SAMD7: variants seen among roughly 807,000 people sequenced by gnomAD.
SAMD7 encodes sterile alpha motif domain-containing protein 7.
SAMD7 carries 34 observed loss-of-function variants against 36.7 expected under a neutral mutation model. That is an observed-to-expected ratio of 0.93 (90% CI 0.71 to 1.23). The LOEUF (loss-of-function observed/expected upper bound fraction) is 1.23. SAMD7 is among the 50% of genes most tolerant of loss of function. SAMD7 has a pLI of 0.00. For synonymous variants in SAMD7, 188 were observed against 189.7 expected (o/e 0.99, Z 0.07); for missense variants, 570 against 546.6 (o/e 1.04, Z -0.43).
intron 7 of SAMD7, among the ~76,000 whole-genome samples, chr3:169,933,801 A>C (rs1430449698): frequency 6.6e-6 from 1 of 152,192 alleles, no homozygotes; most frequent in African/African-American, 2.4e-5. Flanking sequence ...ATAGTCCAGA[A>C]GAGGGGCACC....
chr3:169,921,213 G>C lies in SAMD7; in HGVS notation c.87-1G>C. The C allele has an allele frequency of 6.2e-6, 10 of 1,613,650 alleles. No homozygotes were observed. The highest frequency in any genetic ancestry group is 8.5e-6 in the Non-Finnish European group (10 of 1,179,626). Reference sequence around the variant, plus strand: ...TTTATTTTATATCTTTTTGTTCTCAGAGATGTATTGCCTTCCACCGTAGCT... The same window carrying C: ...TTTATTTTATATCTTTTTGTTCTCACAGATGTATTGCCTTCCACCGTAGCT... On this transcript the variant is annotated splice_acceptor_variant, in intron 3 of 8. Transcript: ENST00000335556. LOFTEE classifies it high-confidence loss of function.
intron 7 of SAMD7, chr3:169,931,998 A>G (rs1477049724): frequency 1.9e-5 from 13 of 691,898 alleles, no homozygotes. Context: ...AGAGGTCAAC[A>G]TGAAGCTAAA....
chr3:169,921,179 T>G, intron 3 of SAMD7, 35 bp from the exon 4 acceptor site: 1 of 1,604,190 alleles, frequency 6.2e-7, no homozygotes, highest in Non-Finnish European at 8.5e-7. Context: ...CCAACCTCAT[T>G]TTACCTATTT....
At chr3:169,921,749 A>G (rs1027698883) in intron 4 of SAMD7, among the ~76,000 whole-genome samples, 1 of 152,206 alleles carries the variant, frequency 6.6e-6, no homozygotes, top group Non-Finnish European at 1.5e-5. Flanking sequence ...CAAAAGAGCA[A>G]CATGGTCTGA....
intron 6 of SAMD7, among the ~76,000 whole-genome samples, chr3:169,927,690 CTG>C (rs1713334163): frequency 6.6e-6 from 1 of 152,054 alleles, no homozygotes; most frequent in South Asian, 2.1e-4. Context: ...AAACTAGCCT[CTG>C]TTTATATTTT....
chr3:169,933,160 C>A (rs1713584121), intron 7 of SAMD7: 1 of 743,106 alleles, frequency 1.3e-6, no homozygotes, highest in Admixed American at 1.8e-5. Flanking sequence ...GTCCTGGCCA[C>A]CGTGGAGCAG....
rs769617451 is a variant in SAMD7, at chr3:169,926,670, C to T, written c.408C>T (p.Pro136=). ...FLYGSSVPAA[P]AAYHGRSMLP... ...ATGGCTCCAGTGTCCCAGCTGCCCC[C>T]GCTGCCTACCATGGCAGGAGCATGC... Residue 136 remains proline, a synonymous_variant, in exon 6 of 9, where the codon CCC becomes CCT. Transcript: ENST00000335556. 3.3e-5 allele frequency: 54 copies of T among 1,613,878 alleles called. No homozygotes were observed. The highest frequency in any genetic ancestry group is 4.2e-5 in the Non-Finnish European group (49 of 1,179,982).
chr3:169,935,190 A>G (rs1194779394), intron 7 of SAMD7, among the ~76,000 whole-genome samples: 1 of 152,226 alleles, frequency 6.6e-6, no homozygotes, highest in African/African-American at 2.4e-5. Flanking sequence ...AGTGAGAGAC[A>G]TGAGGCAGCA....
intron 4 of SAMD7, among the ~76,000 whole-genome samples, chr3:169,922,422 G>T (rs1029856259): frequency 6.6e-6 from 1 of 152,152 alleles, no homozygotes; most frequent in Non-Finnish European, 1.5e-5. Flanking sequence ...TGGCCTGGAG[G>T]CCACAGGAAG....
At chr3:169,926,274 A>C (rs1576832697) in intron 5 of SAMD7, 2 of 1,375,012 alleles carry the variant, frequency 1.5e-6, no homozygotes, top group East Asian at 7.8e-5. Flanking sequence ...GCAAGGAACT[A>C]GCTGTGCTGC....
chr3:169,936,202 A>G, intron 7 of SAMD7, 137 bp from the exon 8 acceptor site: 1 of 601,392 alleles, frequency 1.7e-6, no homozygotes. Flanking sequence ...AGAGCAACTA[A>G]AAAAAGGTTT....
intron 7 of SAMD7, 107 bp downstream of exon 7, chr3:169,928,685 C>A: frequency 8.5e-7 from 1 of 1,180,298 alleles, no homozygotes; most frequent in Non-Finnish European, 1.2e-6. Flanking sequence ...AGGATTCCTA[C>A]TAATCTCTCT....
chr3:169,927,164 C>G lies in SAMD7; in HGVS notation c.902C>G (p.Pro301Arg). 1 of 1,530,154 alleles carries G rather than the reference C, an allele frequency of 6.5e-7. No individual in the cohort carries two copies. The highest frequency in any genetic ancestry group is 8.7e-7 in the Non-Finnish European group (1 of 1,143,824). The allele number at this position is 1,530,154 out of a possible 1,614,324, so 94.8% of individuals were successfully genotyped here. A position where few individuals can be genotyped will look rare whatever the true frequency, so the allele number is the denominator to read the frequency against. Residue 301 changes from proline to arginine, a missense_variant, in exon 6 of 9, where the codon CCT becomes CGT. Coordinates refer to ENST00000335556, the MANE Select transcript of SAMD7 (RefSeq NM_001304366.2). ...DEKNGVCPPV[P>R]RPSLPGTHAL... ...AAGAATGGGGTTTGCCCTCCAGTTC[C>G]TCGACCATCTCTGCCAGGTGGGTGT... is the stretch of plus-strand genomic sequence containing the variant.
At position 169,917,943 on chromosome 3, in the gene SAMD7, T is replaced by G. The variant is rs140638837; in HGVS notation, c.-41-1515T>G. On this transcript the variant is annotated intron_variant, in intron 2 of 8. Coordinates refer to ENST00000335556, the MANE Select transcript of SAMD7 (RefSeq NM_001304366.2). ...GGCATGAGCCACTGCACCCGGCCTG[T>G]TTGTTTATTTTTGAGATGGAGTCTC... Among the ~76,000 whole-genome samples, 1,128 of 136,554 alleles carry G rather than the reference T, an allele frequency of 8.3e-3. 11 individuals carry two copies. The highest frequency in any genetic ancestry group is 0.029 in the African/African-American group (1,049 of 35,796). The allele number at this position is 136,554 out of a possible 152,430, so 89.6% of individuals were successfully genotyped here.
intron 6 of SAMD7, 100 bp downstream of exon 6, chr3:169,927,281 CTTTCTTT>C: frequency 8.9e-6 from 2 of 225,352 alleles, no homozygotes; most frequent in Non-Finnish European, 1.6e-5. Context: ...CTCTTTTTAT[CTTTCTTT>C]TTTTTTTTTT....
intron 7 of SAMD7, 148 bp from the exon 8 acceptor site, chr3:169,936,191 G>T: frequency 1.7e-6 from 1 of 583,342 alleles, no homozygotes. Context: ...GCACAGAAAA[G>T]AGAGCAACTA....
In SAMD7 at chr3:169,938,663, C is replaced by T. The variant is rs113415640; in HGVS notation, c.*157C>T. On this transcript the variant is annotated 3_prime_UTR_variant, in exon 9 of 9. Transcript: ENST00000335556. ...GGAGGAGACTTGCCCAAGGGGCTTC[C>T]CTGCCAGGGCTGAATGACCCCAGCA... 1,051 of 550,670 alleles carry T rather than the reference C, an allele frequency of 1.9e-3. 23 individuals are homozygous for T. Among genetic ancestry groups the T allele is most frequent in the African/African-American group, 0.018 (948 of 52,180 alleles). The allele number at this position is 550,670 out of a possible 1,614,324, so 34.1% of individuals were successfully genotyped here.
intron 8 of SAMD7, among the ~76,000 whole-genome samples, chr3:169,936,870 A>T (rs1276262581): frequency 6.6e-6 from 1 of 152,090 alleles, no homozygotes; most frequent in Non-Finnish European, 1.5e-5. Flanking sequence ...CTTGGGGGTG[A>T]CTATCCTGAA....
At chr3:169,932,798 C>A in intron 7 of SAMD7, 1 of 545,822 alleles carries the variant, frequency 1.8e-6, no homozygotes. Context: ...GAAAACGTCC[C>A]TTTATGACTC....
Sources: gnomAD v4.1 joint callset for allele counts (sites outside exome capture counted in the v4.1 genomes callset) on GRCh38, gnomAD v4.1.1 for gene constraint, MANE v1.5 for transcripts, NCBI Gene and HGNC (gene_info 2026-07-23, HGNC 2026-07-21) for gene names.